The following EYS variants were observed in gnomAD, a reference collection of about 807,000 sequenced individuals.
The protein encoded by EYS is protein eyes shut homolog.
Under a neutral mutation model 282.1 loss-of-function variants are expected in EYS, and 250 were observed. That is an observed-to-expected ratio of 0.89 (90% CI 0.80 to 0.98). The LOEUF (loss-of-function observed/expected upper bound fraction) is 0.98. Ranked by LOEUF, EYS falls within the 50% of genes least tolerant of loss-of-function variation. The pLI is 0.00. For missense variants in EYS, 4,016 were observed against 3,709.0 expected (o/e 1.08, Z -2.15); for synonymous variants, 1,355 against 1,282.9 (o/e 1.06, Z -1.20).
intron 35 of EYS, among the ~76,000 whole-genome samples, chr6:63,965,457 C>T (rs1766262299): frequency 6.6e-6 from 1 of 152,152 alleles, no homozygotes; most frequent in East Asian, 1.9e-4. Context: ...CAGAGGATTT[C>T]ACCAGTGCAA....
intron 26 of EYS, among the ~76,000 whole-genome samples, chr6:64,577,840 C>A (rs1317078302): frequency 6.6e-6 from 1 of 152,070 alleles, no homozygotes; most frequent in African/African-American, 2.4e-5. Context: ...TTCTGATAAG[C>A]CTACTTGTAG....
intron 33 of EYS, among the ~76,000 whole-genome samples, chr6:64,026,748 C>T (rs1441708958): frequency 6.6e-6 from 1 of 152,104 alleles, no homozygotes; most frequent in Non-Finnish European, 1.5e-5. Flanking sequence ...TCTCCCCTGC[C>T]CAGAAGGAAA....
At position 65,563,885 on chromosome 6, in the gene EYS, G is replaced by A. The variant is rs113287211; in HGVS notation, c.-332-67892C>T. 1.5e-4 allele frequency among the ~76,000 whole-genome samples: 23 copies of A among 152,150 alleles called. No homozygotes were observed. In the South Asian group the frequency reaches 1.7e-3, roughly 11 times the overall value. ...GATTGTATATTTAGAAAACCCCATC[G>A]TCTCAGCCCAAAATCTCCTTAAGCT... is the stretch of plus-strand genomic sequence containing the variant. On this transcript the variant is annotated intron_variant, in intron 2 of 42. Coordinates refer to ENST00000503581, the MANE Select transcript of EYS (RefSeq NM_001142800.2).
At chr6:64,660,906 A>C (rs989989528) in intron 22 of EYS, among the ~76,000 whole-genome samples, 8 of 152,174 alleles carry the variant, frequency 5.3e-5, no homozygotes, top group Non-Finnish European at 8.8e-5. Flanking sequence ...TCATATGGAA[A>C]CAAAAATGAG....
At position 64,951,168 on chromosome 6, in the gene EYS, T is replaced by C. The variant is rs566743969; in HGVS notation, c.2260-5254A>G. 3.3e-5 allele frequency among the ~76,000 whole-genome samples: 5 copies of C among 151,864 alleles called. No individual in the cohort carries two copies. The East Asian group carries it at 7.8e-4, about 24-fold the overall frequency. On this transcript the variant is annotated intron_variant, in intron 14 of 42. Coordinates refer to ENST00000503581, the MANE Select transcript of EYS (RefSeq NM_001142800.2). ...CAACCTTGTATTTATAGTATGAAAT[T>C]ACACAGAAGTAAAGCATTAGCAGTC...
At chr6:64,172,531 T>A (rs1048073472) in intron 31 of EYS, among the ~76,000 whole-genome samples, 9 of 152,032 alleles carry the variant, frequency 5.9e-5, no homozygotes, top group Non-Finnish European at 1.3e-4. Flanking sequence ...TGGAAAAAAA[T>A]AAAAACATAA....
chr6:63,853,415 A>G (rs529414865), intron 36 of EYS, among the ~76,000 whole-genome samples: 1 of 152,292 alleles, frequency 6.6e-6, no homozygotes, highest in African/African-American at 2.4e-5. Context: ...ACCTAGGAAT[A>G]TAACTGACAA....
intron 31 of EYS, among the ~76,000 whole-genome samples, chr6:64,126,521 T>C (rs996317156): frequency 6.6e-6 from 1 of 152,044 alleles, no homozygotes; most frequent in Non-Finnish European, 1.5e-5. Context: ...ACTAATTTGT[T>C]GGCATTTTAA....
chr6:64,054,100 A>G (rs1770903494), intron 33 of EYS, among the ~76,000 whole-genome samples: 1 of 152,202 alleles, frequency 6.6e-6, no homozygotes, highest in African/African-American at 2.4e-5. Context: ...TAATAAATAC[A>G]TACTTTATTC....
intron 24 of EYS, among the ~76,000 whole-genome samples, chr6:64,598,004 G>A (rs1766641692): frequency 6.6e-6 from 1 of 152,052 alleles, no homozygotes; most frequent in Non-Finnish European, 1.5e-5. Flanking sequence ...CCATAAATAT[G>A]TACAATTAAT....
In EYS at chr6:65,335,175, A is replaced by G. The variant is rs1030921381; in HGVS notation, c.1600-29T>C. ...TAGCAACGAAAGAAGTAAAAATGTTATGAATTCCCATCACTTACTACAATA... is the reference window on the plus strand; with the variant it reads ...TAGCAACGAAAGAAGTAAAAATGTTGTGAATTCCCATCACTTACTACAATA... On this transcript the variant is annotated intron_variant, in intron 10 of 42. Transcript: ENST00000503581. The G allele has an allele frequency of 1.7e-5, 25 of 1,455,242 alleles. No homozygotes were observed. In the Middle Eastern group the frequency reaches 5.2e-4, roughly 30 times the overall value. 90.1% of individuals were successfully genotyped at this position (1,455,242 alleles called of 1,614,324 possible).
At chr6:65,196,185 C>T (rs979343991) in intron 12 of EYS, among the ~76,000 whole-genome samples, 2 of 151,910 alleles carry the variant, frequency 1.3e-5, no homozygotes, top group African/African-American at 4.8e-5. Context: ...ACGAGTGCTA[C>T]TAGATCTAGA....
intron 31 of EYS, among the ~76,000 whole-genome samples, chr6:64,183,897 ACTT>A (rs1020193944): frequency 1.3e-5 from 2 of 151,928 alleles, no homozygotes; most frequent in African/African-American, 4.8e-5. Flanking sequence ...ATGAGAAAAC[ACTT>A]CTTTTCTTTT....
chr6:63,796,507 T>G (rs1770648399), intron 37 of EYS, among the ~76,000 whole-genome samples: 1 of 152,214 alleles, frequency 6.6e-6, no homozygotes, highest in African/African-American at 2.4e-5. Context: ...TAGATTAAAT[T>G]TCCTAAAGTA....
intron 29 of EYS, among the ~76,000 whole-genome samples, chr6:64,318,652 A>T (rs1770075359): frequency 1.3e-5 from 2 of 151,840 alleles, no homozygotes; most frequent in Admixed American, 6.6e-5. Flanking sequence ...TTAAGGAACA[A>T]TTTTTTTGGA....
intron 30 of EYS, among the ~76,000 whole-genome samples, chr6:64,251,724 CG>C (rs1767225057): frequency 1.3e-5 from 2 of 152,064 alleles, no homozygotes; most frequent in Non-Finnish European, 2.9e-5. Flanking sequence ...AAATATTCAT[CG>C]TGTGCCTAGT....
chr6:65,586,793 C>A (rs1213955928), intron 2 of EYS, among the ~76,000 whole-genome samples: 1 of 151,980 alleles, frequency 6.6e-6, no homozygotes, highest in African/African-American at 2.4e-5. Flanking sequence ...CTGTCCAATT[C>A]TATTACAAGC....
chr6:65,637,478 C>T (rs6910932), intron 2 of EYS, among the ~76,000 whole-genome samples: 83 of 152,214 alleles, frequency 5.5e-4, no homozygotes, highest in African/African-American at 1.7e-3. Flanking sequence ...CAGGAGCAGG[C>T]GAGAGCCCAG....
chr6:65,518,472 G>A (rs1767225332), intron 2 of EYS, among the ~76,000 whole-genome samples: 2 of 152,090 alleles, frequency 1.3e-5, no homozygotes, highest in Non-Finnish European at 1.5e-5. Flanking sequence ...GAACATTAAA[G>A]AAGGAAATAG....
Sources: allele counts gnomAD v4.1 joint callset (sites outside exome capture counted in the v4.1 genomes callset), GRCh38; gene constraint gnomAD v4.1.1; transcripts MANE v1.5; gene names NCBI Gene and HGNC (gene_info 2026-07-23, HGNC 2026-07-21).